Variants in NRXN1 observed in about 807,000 individuals in gnomAD.
NRXN1 encodes neurexin-1.
In NRXN1, 39 loss-of-function variants were observed where a neutral mutation model predicts 150.9. The observed-to-expected ratio is 0.26, with a 90% CI of 0.20 to 0.34. The LOEUF is 0.34. NRXN1 is among the 10% of genes least tolerant of loss of function. The probability of loss-of-function intolerance (pLI) is 1.00; values close to 1 mark genes in which losing one functional copy is unlikely to be tolerated. For missense variants in NRXN1, 1,815 were observed against 1,949.9 expected (o/e 0.93, Z 1.30); for synonymous variants, 924 against 757.0 (o/e 1.22, Z -3.62).
chr2:50,920,408 ATTAAAAAATTAT>A (rs1685839786), intron 5 of NRXN1, among the ~76,000 whole-genome samples: 1 of 151,814 alleles, frequency 6.6e-6, no homozygotes, highest in South Asian at 2.1e-4. Flanking sequence ...TGGTTGTATA[ATTAAAAAATTAT>A]TTTAAGAGTT....
At chr2:50,972,040 C>T (rs1268548482) in intron 2 of NRXN1, among the ~76,000 whole-genome samples, 1 of 151,264 alleles carries the variant, frequency 6.6e-6, no homozygotes, top group Non-Finnish European at 1.5e-5. Context: ...CTCAAAATAT[C>T]ATTATTAATT....
intron 5 of NRXN1, among the ~76,000 whole-genome samples, chr2:50,851,247 G>A (rs1674476423): frequency 6.6e-6 from 1 of 152,066 alleles, no homozygotes; most frequent in South Asian, 2.1e-4. Context: ...TGAGGGTGAG[G>A]GGTGAGGGTG....
chr2:50,566,900 G>C (rs150510975), intron 8 of NRXN1, among the ~76,000 whole-genome samples: 1 of 151,990 alleles, frequency 6.6e-6, no homozygotes, highest in Non-Finnish European at 1.5e-5. Flanking sequence ...CATGCCTTTC[G>C]TGTATAGAAG....
At chr2:50,466,698 A>C (rs924457548) in intron 16 of NRXN1, among the ~76,000 whole-genome samples, 4 of 151,730 alleles carry the variant, frequency 2.6e-5, no homozygotes, top group Non-Finnish European at 5.9e-5. Flanking sequence ...TTAGAATTTA[A>C]TTGTACATAT....
chr2:50,810,627 C>T (rs1235252713), intron 5 of NRXN1, among the ~76,000 whole-genome samples: 1 of 152,168 alleles, frequency 6.6e-6, no homozygotes. Context: ...AGCAATTTTA[C>T]CTTACTTGAC....
At chr2:50,531,558 T>C in intron 10 of NRXN1, 128 bp from the exon 11 acceptor site, 3 of 720,358 alleles carry the variant, frequency 4.2e-6, no homozygotes. Context: ...AATCAATTCA[T>C]CTTCTTCAGA....
intron 5 of NRXN1, among the ~76,000 whole-genome samples, chr2:50,721,213 A>G (rs1456897144): frequency 6.6e-6 from 1 of 152,122 alleles, no homozygotes; most frequent in Non-Finnish European, 1.5e-5. Context: ...CCAATCACAG[A>G]GCAGGGTGCC....
In NRXN1 at chr2:51,028,116, T is replaced by G. The variant is rs1287837969; in HGVS notation, c.158A>C (p.Glu53Ala). Reference sequence around the variant, plus strand: ...GCGAGTCTTGAGCTGGAAGCTCATCTCGCTCTCGCAGCAGGCGTTCCACTT... The same window carrying G: ...GCGAGTCTTGAGCTGGAAGCTCATCGCGCTCTCGCAGCAGGCGTTCCACTT... ...FPKWNACCESEMSFQLKTRSA... is the reference protein window; with the variant it reads ...FPKWNACCESAMSFQLKTRSA... Residue 53 changes from glutamate (E) to alanine (A), a missense_variant, in exon 2 of 23, where the codon GAG (glutamate) becomes GCG (alanine). Physicochemically the swap from Glu to Ala is moderately radical, Grantham distance 107. This residue lies in a region of NRXN1 where 554 missense variants were observed against 478.8 expected (regional missense o/e 1.16). Transcript: ENST00000401669. 7 of 1,574,440 alleles carry G rather than the reference T, an allele frequency of 4.4e-6. No individual in the cohort carries two copies. The highest frequency in any genetic ancestry group is 6.0e-6 in the Non-Finnish European group (7 of 1,162,900).
intron 17 of NRXN1, among the ~76,000 whole-genome samples, chr2:50,463,097 G>T (rs1295734363): frequency 1.3e-5 from 2 of 151,714 alleles, no homozygotes; most frequent in Non-Finnish European, 2.9e-5. Context: ...TATTTTAAAA[G>T]AAAAATCAGC....
intron 5 of NRXN1, among the ~76,000 whole-genome samples, chr2:50,903,602 C>T (rs914038065): frequency 6.6e-6 from 1 of 152,206 alleles, no homozygotes; most frequent in African/African-American, 2.4e-5. Flanking sequence ...TGTGCATAAG[C>T]ATTCTGTAAA....
At chr2:50,467,867 T>A (rs2089065317) in intron 16 of NRXN1, among the ~76,000 whole-genome samples, 2 of 151,440 alleles carry the variant, frequency 1.3e-5, no homozygotes, top group African/African-American at 4.8e-5. Context: ...TAAACTCAAC[T>A]TAGTTCTTTG....
intron 17 of NRXN1, among the ~76,000 whole-genome samples, chr2:50,284,569 G>A (rs1311864377): frequency 3.3e-5 from 5 of 152,092 alleles, no homozygotes; most frequent in African/African-American, 9.7e-5. Context: ...CATCATCCAC[G>A]TAGGGGAGTG....
intron 17 of NRXN1, among the ~76,000 whole-genome samples, chr2:50,320,508 C>T (rs921742306): frequency 6.6e-6 from 1 of 151,226 alleles, no homozygotes; most frequent in East Asian, 2.0e-4. Context: ...CAGTGCCAAA[C>T]GATTTGGCAA....
chr2:49,947,573 G>C (rs1198171890), intron 21 of NRXN1, among the ~76,000 whole-genome samples: 1 of 142,192 alleles, frequency 7.0e-6, no homozygotes, highest in African/African-American at 2.6e-5. Flanking sequence ...TGTTACCCAG[G>C]CTGATCTAGA....
At chr2:50,774,128 T>G (rs1703325120) in intron 5 of NRXN1, among the ~76,000 whole-genome samples, 1 of 152,100 alleles carries the variant, frequency 6.6e-6, no homozygotes, top group Non-Finnish European at 1.5e-5. Flanking sequence ...TTTGTACAGG[T>G]TTTTTGAAAA....
At chr2:50,715,522 A>AT (rs1195719772) in intron 5 of NRXN1, among the ~76,000 whole-genome samples, 3 of 152,228 alleles carry the variant, frequency 2.0e-5, no homozygotes, top group Admixed American at 6.5e-5. Flanking sequence ...TAGAGGGCTC[A>AT]TAAATATGCC....
At chr2:50,725,173 T>C (rs1184449357) in intron 5 of NRXN1, among the ~76,000 whole-genome samples, 2 of 152,184 alleles carry the variant, frequency 1.3e-5, no homozygotes, top group Non-Finnish European at 2.9e-5. Context: ...TATCTCGATG[T>C]GACCTTGGCC....
intron 5 of NRXN1, among the ~76,000 whole-genome samples, chr2:50,704,846 T>C (rs1047250568): frequency 6.6e-6 from 1 of 151,938 alleles, no homozygotes; most frequent in African/African-American, 2.4e-5. Flanking sequence ...ATATATAATA[T>C]TACAATTTAC....
At chr2:50,670,286 C>A (rs995392979) in intron 5 of NRXN1, among the ~76,000 whole-genome samples, 7 of 151,550 alleles carry the variant, frequency 4.6e-5, no homozygotes, top group African/African-American at 1.7e-4. Flanking sequence ...ACAAAGTAAT[C>A]ATTTATCATT....
Sources: gnomAD v4.1 joint callset for allele counts (sites outside exome capture counted in the v4.1 genomes callset) on GRCh38, gnomAD v4.1.1 for gene constraint, gnomAD v4.1.1 regional missense constraint, MANE v1.5 for transcripts, NCBI Gene and HGNC (gene_info 2026-07-23, HGNC 2026-07-21) for gene names.